ARHGAP10: variants seen among roughly 807,000 people sequenced by gnomAD.
ARHGAP10 encodes the protein Rho GTPase activating protein 10.
In ARHGAP10, 87 loss-of-function variants were observed where a neutral mutation model predicts 108.6. The ratio of observed to expected loss-of-function variants is 0.80; its 90% confidence interval spans 0.67 to 0.96. ARHGAP10 has a LOEUF of 0.96. Ranked by LOEUF, ARHGAP10 falls within the 40% of genes least tolerant of loss-of-function variation. The probability of loss-of-function intolerance (pLI) is 0.00; values close to 1 mark genes in which losing one functional copy is unlikely to be tolerated. For synonymous variants in ARHGAP10, 347 were observed against 341.1 expected, an observed-to-expected ratio of 1.02 and a Z score of -0.19; for missense variants, 939 against 954.5, an observed-to-expected ratio of 0.98 and a Z score of 0.21.
At chr4:147,805,232 G>T (rs915287084) in intron 1 of ARHGAP10, among the ~76,000 whole-genome samples, 1 of 152,150 alleles carries the variant, frequency 6.6e-6, no homozygotes, top group Non-Finnish European at 1.5e-5. Flanking sequence ...TGAATAGGGA[G>T]TCCTTTCCCC....
intron 13 of ARHGAP10, among the ~76,000 whole-genome samples, chr4:147,929,976 A>C (rs2118035): frequency 0.16 from 24,958 of 152,176 alleles, 4,748 homozygotes; most frequent in African/African-American, 0.45. Flanking sequence ...CATGTGCCTC[A>C]TTAATGATGA....
At chr4:147,962,344 T>C (rs1170049296) in intron 16 of ARHGAP10, among the ~76,000 whole-genome samples, 2 of 152,216 alleles carry the variant, frequency 1.3e-5, no homozygotes, top group Non-Finnish European at 2.9e-5. Flanking sequence ...ACAGTACTAA[T>C]GGCTAACAGT....
At chr4:148,018,802 G>A (rs1464222963) in intron 18 of ARHGAP10, among the ~76,000 whole-genome samples, 3 of 152,170 alleles carry the variant, frequency 2.0e-5, no homozygotes, top group Non-Finnish European at 2.9e-5. Flanking sequence ...TTTGGCAGCA[G>A]TGACTTTGGA....
chr4:147,826,616 A>C (rs1732717745), intron 3 of ARHGAP10, among the ~76,000 whole-genome samples: 1 of 152,190 alleles, frequency 6.6e-6, no homozygotes. Flanking sequence ...GTCGAGAGAA[A>C]TATACAATGA....
chr4:147,827,709 A>G (rs938423680), intron 3 of ARHGAP10, among the ~76,000 whole-genome samples: 3 of 152,246 alleles, frequency 2.0e-5, no homozygotes, highest in African/African-American at 7.2e-5. Flanking sequence ...CAGCATGTTA[A>G]AAGCCACAGA....
chr4:147,909,217 G>C (rs1736631668), intron 11 of ARHGAP10, among the ~76,000 whole-genome samples: 1 of 152,206 alleles, frequency 6.6e-6, no homozygotes, highest in South Asian at 2.1e-4. Flanking sequence ...CAGTGGAAGA[G>C]ATGCATAGGA....
intron 15 of ARHGAP10, among the ~76,000 whole-genome samples, chr4:147,950,073 G>T (rs1738537313): frequency 6.6e-6 from 1 of 152,168 alleles, no homozygotes; most frequent in African/African-American, 2.4e-5. Flanking sequence ...CCTACAGAAC[G>T]ACATTATGAA....
chr4:147,765,258 T>C (rs1034978705), intron 1 of ARHGAP10, among the ~76,000 whole-genome samples: 1 of 151,238 alleles, frequency 6.6e-6, no homozygotes, highest in Non-Finnish European at 1.5e-5. Context: ...CACAGCCAGG[T>C]GTTTCCAATA....
chr4:147,838,735 T>G (rs1463035612), intron 3 of ARHGAP10, among the ~76,000 whole-genome samples: 1 of 152,200 alleles, frequency 6.6e-6, no homozygotes, highest in Non-Finnish European at 1.5e-5. Flanking sequence ...GGTTTATGCC[T>G]TGTTGCCCAG....
At chr4:147,937,733 A>C (rs976112104) in intron 13 of ARHGAP10, among the ~76,000 whole-genome samples, 2 of 152,212 alleles carry the variant, frequency 1.3e-5, no homozygotes, top group South Asian at 4.1e-4. Flanking sequence ...TAATCCCAGC[A>C]CTTTGGGAGG....
chr4:147,987,838 G>A (rs1740101849), intron 18 of ARHGAP10, among the ~76,000 whole-genome samples: 1 of 152,196 alleles, frequency 6.6e-6, no homozygotes, highest in African/African-American at 2.4e-5. Flanking sequence ...GTGGAGACTT[G>A]CTGCCTTGAC....
At chr4:147,758,263 CAA>C (rs754776146) in intron 1 of ARHGAP10, among the ~76,000 whole-genome samples, 17 of 89,028 alleles carry the variant, frequency 1.9e-4, no homozygotes, top group East Asian at 3.3e-4. Flanking sequence ...AACTTCATCT[CAA>C]AAAAAAAAAA....
At chr4:147,917,429 G>C (rs760048998) in intron 13 of ARHGAP10, 5 of 152,244 alleles carry the variant, frequency 3.3e-5, no homozygotes, top group Non-Finnish European at 7.3e-5. Context: ...TCCTCCAGCT[G>C]CTTCCACTGA....
chr4:147,798,807 A>G (rs1358670459), intron 1 of ARHGAP10, among the ~76,000 whole-genome samples: 3 of 131,402 alleles, frequency 2.3e-5, no homozygotes, highest in Non-Finnish European at 3.2e-5. Context: ...ATATATATAT[A>G]TATATATATA....
chr4:147,908,369 G>A (rs59532898), intron 11 of ARHGAP10, among the ~76,000 whole-genome samples: 6 of 152,178 alleles, frequency 3.9e-5, no homozygotes, highest in South Asian at 2.1e-4. Context: ...GTCAGTTTGC[G>A]TAGCGAAAAG....
rs1315023880 is a variant in ARHGAP10, at chr4:148,072,114, A to C, written c.*33A>C. 6.3e-7 allele frequency: 1 copy of C among 1,581,792 alleles called. No individual in the cohort carries two copies. The highest frequency in any genetic ancestry group is 8.6e-7 in the Non-Finnish European group (1 of 1,160,340). ...CCTCAGAGCCCCTGCTGACCCTGGC[A>C]CCCAGGGACCTGCCTGGGGGCAGAG... On this transcript the variant is annotated 3_prime_UTR_variant, in exon 23 of 23. Coordinates refer to ENST00000336498, the MANE Select transcript of ARHGAP10 (RefSeq NM_024605.4).
At chr4:147,799,021 G>GA (rs1731469282) in intron 1 of ARHGAP10, among the ~76,000 whole-genome samples, 1 of 151,072 alleles carries the variant, frequency 6.6e-6, no homozygotes, top group Admixed American at 6.6e-5. Context: ...GCCTTGGCCT[G>GA]AATTTCTTTT....
At chr4:147,906,574 T>C in intron 10 of ARHGAP10, 64 bp from the exon 11 acceptor site, 2 of 1,539,140 alleles carry the variant, frequency 1.3e-6, no homozygotes, top group African/African-American at 1.4e-5. Flanking sequence ...AACAGTTAAA[T>C]CTTAGGAAAA....
intron 3 of ARHGAP10, among the ~76,000 whole-genome samples, chr4:147,834,781 C>G (rs1733099526): frequency 2.0e-5 from 3 of 148,598 alleles, no homozygotes; most frequent in Admixed American, 2.0e-4. Flanking sequence ...CCCACCCATC[C>G]GGCTTGCTTT....
Sources: allele counts gnomAD v4.1 joint callset (sites outside exome capture counted in the v4.1 genomes callset), GRCh38; gene constraint gnomAD v4.1.1; transcripts MANE v1.5; gene names NCBI Gene and HGNC (gene_info 2026-07-23, HGNC 2026-07-21).